Variants in CTNNA3 observed in about 807,000 individuals in gnomAD.
CTNNA3 encodes the protein catenin alpha-3.
Under a neutral mutation model 95.7 loss-of-function variants are expected in CTNNA3, and 76 were observed. The observed-to-expected ratio is 0.79, with a 90% CI of 0.66 to 0.96. The LOEUF (loss-of-function observed/expected upper bound fraction) is 0.96, where lower values mean the gene tolerates loss of function less well. Among genes scored for constraint, CTNNA3 ranks in the 40% least tolerant of loss-of-function variants. The pLI, the probability that CTNNA3 is intolerant of heterozygous loss-of-function variation, is 0.00. For missense variants in CTNNA3, 1,191 were observed against 1,089.8 expected (o/e 1.09, Z -1.31); for synonymous variants, 431 against 374.4 (o/e 1.15, Z -1.74).
At chr10:66,636,163 T>C (rs933005632) in intron 9 of CTNNA3, among the ~76,000 whole-genome samples, 8 of 152,038 alleles carry the variant, frequency 5.3e-5, no homozygotes, top group African/African-American at 1.9e-4. Context: ...TCCCTGAATC[T>C]CAGGAGGGCT....
At chr10:66,300,651 C>T (rs1210025072) in intron 12 of CTNNA3, among the ~76,000 whole-genome samples, 1 of 151,192 alleles carries the variant, frequency 6.6e-6, no homozygotes, top group Non-Finnish European at 1.5e-5. Context: ...ACTTTAGATA[C>T]ATACAAATTG....
At chr10:67,614,893 T>C (rs1322056751) in intron 2 of CTNNA3, among the ~76,000 whole-genome samples, 1 of 152,236 alleles carries the variant, frequency 6.6e-6, no homozygotes, top group East Asian at 1.9e-4. Context: ...TCTCTCTGTG[T>C]CCTCACATGT....
chr10:67,421,609 C>A (rs1845752690), intron 5 of CTNNA3, among the ~76,000 whole-genome samples: 1 of 152,110 alleles, frequency 6.6e-6, no homozygotes, highest in African/African-American at 2.4e-5. Context: ...ATTTACACAA[C>A]CCTTCTTTGG....
intron 13 of CTNNA3, among the ~76,000 whole-genome samples, chr10:66,121,551 T>C (rs911647037): frequency 3.9e-5 from 6 of 152,090 alleles, no homozygotes; most frequent in Admixed American, 2.0e-4. Flanking sequence ...GGAATAATCA[T>C]GTGGGAAAAA....
intron 7 of CTNNA3, among the ~76,000 whole-genome samples, chr10:67,106,758 A>G (rs970049813): frequency 6.6e-6 from 1 of 152,192 alleles, no homozygotes; most frequent in Non-Finnish European, 1.5e-5. Flanking sequence ...CCCCAATGCT[A>G]AGTTCAAAAT....
intron 5 of CTNNA3, among the ~76,000 whole-genome samples, chr10:67,388,885 G>T (rs1020517415): frequency 1.4e-4 from 21 of 152,116 alleles, no homozygotes; most frequent in African/African-American, 4.3e-4. Context: ...CCACCAGGCC[G>T]GCCTTACAAG....
chr10:67,171,746 C>A (rs1160129561), intron 7 of CTNNA3, among the ~76,000 whole-genome samples: 2 of 151,552 alleles, frequency 1.3e-5, no homozygotes, highest in Non-Finnish European at 2.9e-5. Flanking sequence ...GAGAGCAAGA[C>A]CCTGCCAAAA....
intron 7 of CTNNA3, among the ~76,000 whole-genome samples, chr10:67,178,289 C>A (rs1213103183): frequency 6.6e-6 from 1 of 152,028 alleles, no homozygotes; most frequent in Non-Finnish European, 1.5e-5. Flanking sequence ...CATTAAATAG[C>A]AAATAAAAAT....
At chr10:66,078,676 A>G (rs1287795262) in intron 14 of CTNNA3, among the ~76,000 whole-genome samples, 1 of 151,974 alleles carries the variant, frequency 6.6e-6, no homozygotes, top group Non-Finnish European at 1.5e-5. Context: ...AAATATAAAT[A>G]TTGCAAAGAT....
At chr10:66,995,776 T>G (rs1015573826) in intron 7 of CTNNA3, among the ~76,000 whole-genome samples, 1 of 152,192 alleles carries the variant, frequency 6.6e-6, no homozygotes, top group Non-Finnish European at 1.5e-5. Context: ...TTTAACCTGA[T>G]GAATTTCTAC....
chr10:66,943,334 GA>G (rs533895586), intron 7 of CTNNA3, among the ~76,000 whole-genome samples: 144 of 152,074 alleles, frequency 9.5e-4, no homozygotes, highest in African/African-American at 3.4e-3. Context: ...AATCTTATTA[GA>G]TTTTTTTTTA....
At chr10:66,557,456 G>A (rs1263413894) in intron 10 of CTNNA3, among the ~76,000 whole-genome samples, 3 of 152,084 alleles carry the variant, frequency 2.0e-5, no homozygotes, top group African/African-American at 7.2e-5. Flanking sequence ...TATATACCAT[G>A]TTCAGTCTCT....
chr10:66,202,241 A>C (rs1227317735), intron 13 of CTNNA3, among the ~76,000 whole-genome samples: 3 of 152,216 alleles, frequency 2.0e-5, no homozygotes, highest in Non-Finnish European at 4.4e-5. Flanking sequence ...CTGTTAAATC[A>C]AGTTCAGGCT....
chr10:67,433,067 C>G (rs772387115), intron 5 of CTNNA3, among the ~76,000 whole-genome samples: 7 of 152,066 alleles, frequency 4.6e-5, no homozygotes, highest in African/African-American at 7.2e-5. Flanking sequence ...TTCAGCCTGT[C>G]TTAGATTTTG....
intron 13 of CTNNA3, among the ~76,000 whole-genome samples, chr10:66,200,812 T>C (rs2087350345): frequency 6.6e-6 from 1 of 152,224 alleles, no homozygotes; most frequent in South Asian, 2.1e-4. Context: ...GCTTAGGCAA[T>C]ATTTTGCTAT....
chr10:66,716,579 C>A (rs1213556644), intron 9 of CTNNA3, among the ~76,000 whole-genome samples: 1 of 152,146 alleles, frequency 6.6e-6, no homozygotes, highest in Non-Finnish European at 1.5e-5. Flanking sequence ...ACAGATTGCA[C>A]TGAGCCAGTG....
intron 7 of CTNNA3, among the ~76,000 whole-genome samples, chr10:66,941,521 G>A (rs1847994452): frequency 6.6e-6 from 1 of 152,100 alleles, no homozygotes; most frequent in South Asian, 2.1e-4. Context: ...TCAACTGTAT[G>A]GAATTTGAAT....
At chr10:66,464,645 T>G (rs558506176) in intron 11 of CTNNA3, among the ~76,000 whole-genome samples, 1 of 151,818 alleles carries the variant, frequency 6.6e-6, no homozygotes, top group Non-Finnish European at 1.5e-5. Flanking sequence ...TGCCTGTAAT[T>G]CCAGCTACTT....
At chr10:66,294,498 C>T (rs111606009) in intron 12 of CTNNA3, among the ~76,000 whole-genome samples, 43 of 152,262 alleles carry the variant, frequency 2.8e-4, no homozygotes, top group African/African-American at 9.4e-4. Context: ...GAAATCATTG[C>T]TCTACATTAT....
Sources: gnomAD v4.1 joint callset for allele counts (sites outside exome capture counted in the v4.1 genomes callset) on GRCh38, gnomAD v4.1.1 for gene constraint, MANE v1.5 for transcripts, NCBI Gene and HGNC (gene_info 2026-07-23, HGNC 2026-07-21) for gene names.